Variants in DPP10 observed in about 807,000 individuals in gnomAD.
DPP10 encodes the protein inactive dipeptidyl peptidase 10.
DPP10 carries 33 observed loss-of-function variants against 120.9 expected under a neutral mutation model. The observed-to-expected ratio is 0.27, with a 90% CI of 0.21 to 0.37. The LOEUF (loss-of-function observed/expected upper bound fraction) is 0.37. Ranked by LOEUF, DPP10 falls within the 10% of genes least tolerant of loss-of-function variation. DPP10 has a pLI of 1.00. For synonymous variants in DPP10, 337 were observed against 326.1 expected (o/e 1.03, Z -0.36); for missense variants, 816 against 942.8 (o/e 0.87, Z 1.76).
At chr2:114,856,378 T>G (rs959496497) in intron 1 of DPP10, among the ~76,000 whole-genome samples, 7 of 152,214 alleles carry the variant, frequency 4.6e-5, no homozygotes, top group African/African-American at 9.6e-5. Flanking sequence ...TGTATTTATC[T>G]GTGACCAGTG....
chr2:115,578,845 G>A (rs911055686), intron 5 of DPP10, among the ~76,000 whole-genome samples: 3 of 152,180 alleles, frequency 2.0e-5, no homozygotes, highest in African/African-American at 7.2e-5. Context: ...AACTAAAGCA[G>A]TGGCTTTCAA....
intron 19 of DPP10, among the ~76,000 whole-genome samples, chr2:115,813,833 G>A (rs190613240): frequency 6.6e-6 from 1 of 152,288 alleles, no homozygotes; most frequent in Non-Finnish European, 1.5e-5. Flanking sequence ...AGAGTTTGGT[G>A]TTTTTACCTT....
At position 115,833,758 on chromosome 2, in the gene DPP10, G is replaced by GT. The variant is rs1294956287; in HGVS notation, c.1951-2396dup. ...ATATTAAAGCATATATGAATTTCAT[G>GT]TTTAGACTTAAGTTTTCATCCCTGA... On this transcript the variant is annotated intron_variant, in intron 21 of 25. Coordinates refer to ENST00000410059, the MANE Select transcript of DPP10 (RefSeq NM_020868.6). 3.3e-5 allele frequency among the ~76,000 whole-genome samples: 5 copies of GT among 152,288 alleles called. No individual in the cohort carries two copies. The East Asian group carries it at 9.6e-4, about 29-fold the overall frequency.
chr2:115,225,417 G>A (rs1039406777), intron 1 of DPP10, among the ~76,000 whole-genome samples: 1 of 152,014 alleles, frequency 6.6e-6, no homozygotes, highest in Non-Finnish European at 1.5e-5. Flanking sequence ...CAAAGGGCCC[G>A]ATGACTATGA....
At chr2:115,129,184 A>C (rs952862755) in intron 1 of DPP10, among the ~76,000 whole-genome samples, 2 of 152,224 alleles carry the variant, frequency 1.3e-5, no homozygotes, top group African/African-American at 4.8e-5. Context: ...ACTTCAATTC[A>C]GGGTGCAGCC....
intron 3 of DPP10, among the ~76,000 whole-genome samples, chr2:115,448,212 A>G (rs751483353): frequency 5.3e-5 from 8 of 152,198 alleles, no homozygotes; most frequent in Non-Finnish European, 1.2e-4. Context: ...AAACATACAC[A>G]CACTGGAAAA....
chr2:115,815,653 T>A (rs761862653), intron 20 of DPP10, 22 bp from the exon 21 acceptor site: 1 of 1,594,450 alleles, frequency 6.3e-7, no homozygotes, highest in Non-Finnish European at 8.6e-7. Flanking sequence ...GATATAACTA[T>A]TGTTTTTCGT....
At chr2:115,307,029 A>G (rs778132748) in intron 1 of DPP10, among the ~76,000 whole-genome samples, 1 of 152,108 alleles carries the variant, frequency 6.6e-6, no homozygotes, top group Non-Finnish European at 1.5e-5. Context: ...TTATAATCAG[A>G]TTTTATGAAC....
At chr2:115,480,384 C>T (rs1449698379) in intron 3 of DPP10, among the ~76,000 whole-genome samples, 2 of 151,930 alleles carry the variant, frequency 1.3e-5, no homozygotes, top group Admixed American at 6.6e-5. Context: ...TTCTTACTGA[C>T]TAGGTTATAG....
chr2:114,530,956 A>G (rs1685924315), intron 1 of DPP10, among the ~76,000 whole-genome samples: 1 of 152,088 alleles, frequency 6.6e-6, no homozygotes, highest in South Asian at 2.1e-4. Context: ...TACTCATGTC[A>G]ATTAACAGAA....
chr2:115,710,007 G>A (rs756057227), intron 7 of DPP10, among the ~76,000 whole-genome samples: 1 of 152,032 alleles, frequency 6.6e-6, no homozygotes, highest in Admixed American at 6.6e-5. Context: ...GAAAACTAAA[G>A]ATAAAGAGAA....
At chr2:114,549,131 TG>T (rs1451526478) in intron 1 of DPP10, among the ~76,000 whole-genome samples, 1 of 152,036 alleles carries the variant, frequency 6.6e-6, no homozygotes, top group Non-Finnish European at 1.5e-5. Context: ...CCTTGTGCTT[TG>T]GGGAACTTTC....
intron 1 of DPP10, among the ~76,000 whole-genome samples, chr2:114,834,251 T>A (rs1328950333): frequency 2.0e-5 from 3 of 151,570 alleles, no homozygotes; most frequent in Non-Finnish European, 4.4e-5. Context: ...CACCTATGTA[T>A]ATATAAGACA....
intron 1 of DPP10, among the ~76,000 whole-genome samples, chr2:114,753,935 A>G: frequency 6.6e-6 from 1 of 151,530 alleles, no homozygotes; most frequent in Admixed American, 6.6e-5. Flanking sequence ...AAAAAAAAGA[A>G]AAGAAATATG....
intron 1 of DPP10, among the ~76,000 whole-genome samples, chr2:114,585,851 G>C (rs758137015): frequency 8.5e-5 from 13 of 152,346 alleles, no homozygotes; most frequent in Non-Finnish European, 1.9e-4. Context: ...GGTTGGTAAA[G>C]CCTCAAGAAG....
intron 13 of DPP10, among the ~76,000 whole-genome samples, chr2:115,772,380 G>C (rs1681581476): frequency 6.6e-6 from 1 of 151,930 alleles, no homozygotes; most frequent in Non-Finnish European, 1.5e-5. Context: ...TGGAATAGCT[G>C]GACCAAAAGT....
At chr2:115,347,930 C>A (rs1387427220) in intron 3 of DPP10, among the ~76,000 whole-genome samples, 1 of 152,086 alleles carries the variant, frequency 6.6e-6, no homozygotes. Context: ...GTGAGTAGTG[C>A]TGCAATAAAT....
At chr2:114,900,266 T>C (rs1192738109) in intron 1 of DPP10, among the ~76,000 whole-genome samples, 1 of 152,216 alleles carries the variant, frequency 6.6e-6, no homozygotes, top group Admixed American at 6.5e-5. Flanking sequence ...TGTCTCCTGG[T>C]GGTCTTAGTG....
At chr2:114,587,434 A>AT (rs908536432) in intron 1 of DPP10, among the ~76,000 whole-genome samples, 52 of 150,096 alleles carry the variant, frequency 3.5e-4, no homozygotes, top group Middle Eastern at 3.4e-3. Context: ...TTTTAAACTG[A>AT]TTTTTTTTTT....
Sources: allele counts gnomAD v4.1 joint callset (sites outside exome capture counted in the v4.1 genomes callset), GRCh38; gene constraint gnomAD v4.1.1; transcripts MANE v1.5; gene names NCBI Gene and HGNC (gene_info 2026-07-23, HGNC 2026-07-21).